The following PXN variants were observed in gnomAD, a reference collection of about 807,000 sequenced individuals.
PXN encodes the protein testicular tissue protein Li 134.
A neutral mutation model predicts 103.6 loss-of-function variants in PXN; 61 were observed. The ratio of observed to expected loss-of-function variants is 0.59; its 90% CI spans 0.48 to 0.73. PXN has a LOEUF of 0.73. Ranked by LOEUF, PXN falls within the 30% of genes least tolerant of loss-of-function variation. The pLI, the probability that PXN is intolerant of heterozygous loss-of-function variation, is 0.00. For synonymous variants in PXN, 562 were observed against 607.8 expected (o/e 0.92, Z 1.11); for missense variants, 1,274 against 1,460.3 (o/e 0.87, Z 2.08).
chr12:120,245,433 A>G (rs1028143781), intron 1 of PXN, among the ~76,000 whole-genome samples: 1 of 151,838 alleles, frequency 6.6e-6, no homozygotes, highest in African/African-American at 2.4e-5. Context: ...AAGGAGGGGA[A>G]GAAAAAAAAA....
At chr12:120,238,948 C>A (rs1016611037) in intron 1 of PXN, among the ~76,000 whole-genome samples, 2 of 152,236 alleles carry the variant, frequency 1.3e-5, no homozygotes, top group African/African-American at 4.8e-5. Context: ...CTTCTGCCCC[C>A]TAACTACTGT....
At position 120,217,127 on chromosome 12, in the gene PXN, G is replaced by C; in HGVS notation, c.1717-11C>G. The C allele has an allele frequency of 1.9e-6, 3 of 1,569,196 alleles. No homozygotes were observed. The highest frequency in any genetic ancestry group is 1.3e-5 in the African/African-American group (1 of 74,550). ...GATCACAGATCGGATCTAGGGGGAG[G>C]GGGAGGGGAGGCTGTCACCGTCCCA... On this transcript the variant is annotated splice_polypyrimidine_tract_variant and intron_variant, in intron 7 of 14. Transcript: ENST00000637617. The surrounding 1 kb of genome is among the most constrained non-coding windows in gnomAD (Gnocchi z 4.1).
In PXN at chr12:120,215,108, C is replaced by T. The variant is rs1466368390; in HGVS notation, c.2569G>A (p.Gly857Arg). 5 of 1,577,776 alleles carry T rather than the reference C, an allele frequency of 3.2e-6. No homozygotes were observed. The highest frequency in any genetic ancestry group is 2.2e-5 in the East Asian group (1 of 44,504). The change falls in exon 11 of 15, where the codon GGG becomes AGG. Residue 857 changes from glycine to arginine, a missense_variant. Coordinates refer to ENST00000637617, the MANE Select transcript of PXN (RefSeq NM_001385981.1). This position sits in a 1 kb window ranked among gnomAD's most constrained non-coding sequence, Gnocchi z 4.9. Reference protein sequence around the residue: ...VCGACKKPIAGQVVTAMGKTW... With the variant: ...VCGACKKPIARQVVTAMGKTW... ...TGCCCACTCCCCCTCATCACCTGCC[C>T]GGCGATGGGCTTCTTGCAGGCCCCG...
At chr12:120,238,682 G>A (rs1003918901) in intron 1 of PXN, among the ~76,000 whole-genome samples, 1 of 152,232 alleles carries the variant, frequency 6.6e-6, no homozygotes, top group Non-Finnish European at 1.5e-5. Context: ...TTGAGCTGTG[G>A]AGAATGTCTT....
chr12:120,230,089 T>C (rs1272937976), intron 1 of PXN, among the ~76,000 whole-genome samples: 2 of 152,170 alleles, frequency 1.3e-5, no homozygotes, highest in Non-Finnish European at 2.9e-5. Flanking sequence ...CCCACCTTCT[T>C]CTGCAGGCCA....
intron 1 of PXN, among the ~76,000 whole-genome samples, chr12:120,258,714 C>T (rs1189287137): frequency 6.6e-6 from 1 of 152,060 alleles, no homozygotes; most frequent in Non-Finnish European, 1.5e-5. Context: ...AACGCATGGC[C>T]CTTGTGCTCT....
chr12:120,246,904 T>C (rs1036316234), intron 1 of PXN, among the ~76,000 whole-genome samples: 7 of 150,882 alleles, frequency 4.6e-5, no homozygotes, highest in Non-Finnish European at 1.0e-4. Context: ...AGCATATGCC[T>C]GTAATTCCAG....
rs1438214217 is a variant in PXN, at chr12:120,265,455, G to C, written c.13+162C>G. Among the ~76,000 whole-genome samples the C allele has an allele frequency of 6.6e-6, 1 of 151,960 alleles. No homozygotes were observed. Among genetic ancestry groups the C allele is most frequent in the Non-Finnish European group, 1.5e-5 (1 of 67,938 alleles). ...CGGCCTGGCCCGAGACTAAGGCCCG[G>C]TTAGGGATCCCAGCCCCGCGGAGCC... On this transcript the variant is annotated intron_variant, in intron 1 of 14. Coordinates refer to ENST00000637617, the MANE Select transcript of PXN (RefSeq NM_001385981.1). The surrounding 1 kb of genome is among the most constrained non-coding windows in gnomAD (Gnocchi z 5.7).
intron 1 of PXN, among the ~76,000 whole-genome samples, chr12:120,230,553 T>C (rs893974358): frequency 4.6e-5 from 7 of 152,088 alleles, no homozygotes; most frequent in South Asian, 2.1e-4. Flanking sequence ...AGCTCAGGGA[T>C]GGTCTCATCT....
In PXN at chr12:120,217,067, A is replaced by C; in HGVS notation, c.1766T>G (p.Met589Arg). 6.3e-7 allele frequency: 1 copy of C among 1,591,982 alleles called. No homozygotes were observed. Among genetic ancestry groups the C allele is most frequent in the Non-Finnish European group, 8.5e-7 (1 of 1,177,564 alleles). The change falls in exon 8 of 15, where the codon ATG becomes AGG. Residue 589 changes from methionine to arginine, a missense_variant. Met to Arg is a moderately conservative substitution (Grantham distance 91, BLOSUM62 -1). Around this residue, in one of 2 missense-constraint regions of PXN, gnomAD observed 1,178 missense variants for 1,309.0 expected, o/e 0.90. Transcript: ENST00000637617. This position sits in a 1 kb window ranked among gnomAD's most constrained non-coding sequence, Gnocchi z 4.1. Reference sequence around the variant, plus strand: ...GCGGCGAGGGGAGGGCTCCCGGGACATGGGGTGTGCGTGGCCAGACTCCCA... The same window carrying C: ...GCGGCGAGGGGAGGGCTCCCGGGACCTGGGGTGTGCGTGGCCAGACTCCCA... Reference protein sequence around the residue: ...RSWESGHAHPMSREPSPRRRL... With the variant: ...RSWESGHAHPRSREPSPRRRL...
At position 120,224,506 on chromosome 12, in the gene PXN, A is replaced by G. The variant is rs1464990419; in HGVS notation, c.14-129T>C. ...ACCTGCCCCACCCATGGGAGAAATGACCAGCCTTGGGACAGGAAGCCACCA... is the reference window on the plus strand; with the variant it reads ...ACCTGCCCCACCCATGGGAGAAATGGCCAGCCTTGGGACAGGAAGCCACCA... On this transcript the variant is annotated intron_variant, in intron 1 of 14. Coordinates refer to ENST00000637617, the MANE Select transcript of PXN (RefSeq NM_001385981.1). This position sits in a 1 kb window ranked among gnomAD's most constrained non-coding sequence, Gnocchi z 5.0. 1.1e-5 allele frequency: 9 copies of G among 795,990 alleles called. No individual in the cohort carries two copies. The highest frequency in any genetic ancestry group is 1.8e-5 in the Non-Finnish European group (8 of 449,924). 49.3% of individuals were successfully genotyped at this position (795,990 alleles called of 1,614,324 possible). A position where few individuals can be genotyped will look rare whatever the true frequency, so the allele number is the denominator to read the frequency against.
chr12:120,258,955 G>C (rs1211267927), intron 1 of PXN, among the ~76,000 whole-genome samples: 1 of 152,040 alleles, frequency 6.6e-6, no homozygotes, highest in Non-Finnish European at 1.5e-5. Flanking sequence ...TGTAATCCCA[G>C]CTACTCGGGA....
rs180745188 is a variant in PXN at position 120,263,726 on chromosome 12, A to G, written c.13+1891T>C. On this transcript the variant is annotated intron_variant, in intron 1 of 14. Transcript: ENST00000637617. ...AGAGGGAAGTACTCCACAAACAGCA[A>G]TTTAAATCCCTACAATCCCCTCTCC... 4.6e-5 allele frequency among the ~76,000 whole-genome samples: 7 copies of G among 152,328 alleles called. No homozygotes were observed. The East Asian group carries it at 1.2e-3, about 25-fold the overall frequency.
At chr12:120,233,613 G>A (rs1888479750) in intron 1 of PXN, among the ~76,000 whole-genome samples, 1 of 152,124 alleles carries the variant, frequency 6.6e-6, no homozygotes, top group Non-Finnish European at 1.5e-5. Context: ...GCCCTCACAG[G>A]CCTCTTAGAG....
At chr12:120,247,218 T>A (rs1412568075) in intron 1 of PXN, among the ~76,000 whole-genome samples, 1 of 152,202 alleles carries the variant, frequency 6.6e-6, no homozygotes, top group Non-Finnish European at 1.5e-5. Context: ...CAGTATTTAA[T>A]ACATGCTATC....
rs766608117 is a variant in PXN at position 120,213,792 on chromosome 12, T to TCCCTGCTCCTCGCC, written c.2979+49_2979+50insGGCGAGGAGCAGGG. The TCCCTGCTCCTCGCC allele has an allele frequency of 1.3e-6, 2 of 1,576,036 alleles. No homozygotes were observed. The highest frequency in any genetic ancestry group is 3.7e-5 in the Admixed American group (2 of 54,302). On this transcript the variant is annotated intron_variant, in intron 14 of 14. Transcript: ENST00000637617. The surrounding 1 kb of genome is among the most constrained non-coding windows in gnomAD (Gnocchi z 4.2). ...CAGCACAATGAGGAAGACCCCTCTC[T>TCCCTGCTCCTCGCC]CCCCACTGCCTGCTCCTCGCCCCTC...
chr12:120,223,305 G>T, intron 3 of PXN, among the ~76,000 whole-genome samples: 1 of 152,060 alleles, frequency 6.6e-6, no homozygotes, highest in South Asian at 2.1e-4. Flanking sequence ...GTGGTGGTGG[G>T]TGCCTGTAGT....
Position 120,228,404 on chromosome 12 carries a change from C to G in PXN, c.14-4027G>C, listed in dbSNP as rs1197333332. On this transcript the variant is annotated intron_variant, in intron 1 of 14. Coordinates refer to ENST00000637617, the MANE Select transcript of PXN (RefSeq NM_001385981.1). The surrounding 1 kb of genome is among the most constrained non-coding windows in gnomAD (Gnocchi z 4.7). ...GGAGGTAGGCCAGGCTGTCTCGAGG[C>G]TGAGGGCAGGCTAGGTGCAAAGTCC... Among the ~76,000 whole-genome samples, 1 of 152,170 alleles carries G rather than the reference C, an allele frequency of 6.6e-6. No homozygotes were observed. Among genetic ancestry groups the G allele is most frequent in the Non-Finnish European group, 1.5e-5 (1 of 68,028 alleles).
Position 120,229,413 on chromosome 12 carries a change from G to C in PXN, c.14-5036C>G, listed in dbSNP as rs530983829. On this transcript the variant is annotated intron_variant, in intron 1 of 14. Coordinates refer to ENST00000637617, the MANE Select transcript of PXN (RefSeq NM_001385981.1). The surrounding 1 kb of genome is among the most constrained non-coding windows in gnomAD (Gnocchi z 4.0). ...GAGATAAAAGTCCATCTCTCTGAGGGGGTGGGAGGACCCAGAGCGATTCCA... is the reference window on the plus strand; with the variant it reads ...GAGATAAAAGTCCATCTCTCTGAGGCGGTGGGAGGACCCAGAGCGATTCCA... 6.6e-6 allele frequency among the ~76,000 whole-genome samples: 1 copy of C among 152,248 alleles called. No homozygotes were observed. Among genetic ancestry groups the C allele is most frequent in the East Asian group, 1.9e-4 (1 of 5,174 alleles).
Sources: allele counts gnomAD v4.1 joint callset (sites outside exome capture counted in the v4.1 genomes callset), GRCh38; gene constraint gnomAD v4.1.1; regional missense constraint gnomAD v4.1.1; non-coding constraint Gnocchi (gnomAD v3.1); transcripts MANE v1.5; gene names NCBI Gene and HGNC (gene_info 2026-07-23, HGNC 2026-07-21).